CDH26: variants seen among roughly 807,000 people sequenced by gnomAD.
CDH26 encodes cadherin 26.
Under a neutral mutation model 90.3 loss-of-function variants are expected in CDH26, and 83 were observed. The observed-to-expected ratio is 0.92, with a 90% CI of 0.77 to 1.10. CDH26 has a LOEUF of 1.10. CDH26 is among the 50% of genes least tolerant of loss of function. The pLI, the probability that CDH26 is intolerant of heterozygous loss-of-function variation, is 0.00. For synonymous variants in CDH26, 397 were observed against 396.3 expected (o/e 1.00, Z -0.02); for missense variants, 1,013 against 1,037.6 (o/e 0.98, Z 0.33).
At position 59,994,477 on chromosome 20, in the gene CDH26, G is replaced by A; in HGVS notation, c.1654G>A (p.Gly552Arg). The A allele has an allele frequency of 1.2e-6, 2 of 1,613,990 alleles. No homozygotes were observed. Among genetic ancestry groups the A allele is most frequent in the Non-Finnish European group, 1.7e-6 (2 of 1,179,964 alleles). Residue 552 changes from glycine (G) to arginine (R), a missense_variant, in exon 11 of 18, where the codon GGG becomes AGG. Coordinates refer to ENST00000348616, the MANE Select transcript of CDH26 (RefSeq NM_177980.4). ...AAATGCGGAGGACACATGGAAGTTG[G>A]GGAGAAATTGGGGTGAGTTTTTGTA... ...WGNAEDTWKLGRNWGQSVELL... is the reference protein window; with the variant it reads ...WGNAEDTWKLRRNWGQSVELL...
At chr20:59,997,838 G>C (rs958453101) in intron 13 of CDH26, among the ~76,000 whole-genome samples, 1 of 152,246 alleles carries the variant, frequency 6.6e-6, no homozygotes, top group African/African-American at 2.4e-5. Flanking sequence ...TGTAATTAGA[G>C]AGTTTCTCAA....
chr20:59,995,819 T>G lies in CDH26; in HGVS notation c.1667-14T>G. Reference sequence around the variant, plus strand: ...AGTGAGTCAATGCATGCCATGTTCTTTTTCCCTTTGCAGGTCAATCAGTTG... The same window carrying G: ...AGTGAGTCAATGCATGCCATGTTCTGTTTCCCTTTGCAGGTCAATCAGTTG... On this transcript the variant is annotated splice_polypyrimidine_tract_variant and intron_variant, in intron 11 of 17. Coordinates refer to ENST00000348616, the MANE Select transcript of CDH26 (RefSeq NM_177980.4). 1.2e-6 allele frequency: 2 copies of G among 1,612,506 alleles called. No individual in the cohort carries two copies. Among genetic ancestry groups the G allele is most frequent in the Non-Finnish European group, 1.7e-6 (2 of 1,178,484 alleles).
chr20:60,033,500 G>A (rs1300928625), exon 9 of CDH26: 2 of 1,304,106 alleles, frequency 1.5e-6, no homozygotes, highest in South Asian at 1.2e-5. Flanking sequence ...GGAGAACAAG[G>A]CTGGGAGAAA....
At position 59,968,969 on chromosome 20, in the gene CDH26, C is replaced by A; in HGVS notation, c.72C>A (p.Val24=). The change falls in exon 2 of 18, where the codon GTC becomes GTA. Residue 24 remains valine (V), a splice_region_variant and synonymous_variant. Transcript: ENST00000348616. ...LLVLLLWLLQ[V]SIIDSVQQET... ...TTAATATTATTTTTATTTTTAAGGTCAGTATCATTGACAGTGTTCAACAGG... is the reference window on the plus strand; with the variant it reads ...TTAATATTATTTTTATTTTTAAGGTAAGTATCATTGACAGTGTTCAACAGG... 2 of 1,534,788 alleles carry A rather than the reference C, an allele frequency of 1.3e-6. No homozygotes were observed. Among genetic ancestry groups the A allele is most frequent in the South Asian group, 2.3e-5 (2 of 87,048 alleles).
At chr20:60,032,738 T>C (rs1483206437) in intron 8 of CDH26, among the ~76,000 whole-genome samples, 2 of 151,294 alleles carry the variant, frequency 1.3e-5, no homozygotes, top group Admixed American at 1.3e-4. Context: ...CTCAGTAAAC[T>C]ATCGCAAGAA....
chr20:59,977,168 G>A (rs924061583), intron 4 of CDH26, among the ~76,000 whole-genome samples: 10 of 152,256 alleles, frequency 6.6e-5, no homozygotes, highest in African/African-American at 2.4e-4. Context: ...GGGAAGGGCT[G>A]GTGCTGGTGA....
At chr20:59,975,373 C>T (rs1342729137) in intron 4 of CDH26, among the ~76,000 whole-genome samples, 1 of 152,148 alleles carries the variant, frequency 6.6e-6, no homozygotes, top group Non-Finnish European at 1.5e-5. Context: ...CTAGCAACCA[C>T]CCGAAGCCAG....
rs1181263966 is a variant in CDH26, at chr20:60,012,724, T to A, written c.2493T>A (p.Pro831=). The change falls in exon 18 of 18, where the codon CCT becomes CCA. Residue 831 remains proline (P), a synonymous_variant. Transcript: ENST00000348616. The stretch of plus-strand genomic sequence containing the variant: ...AAATATATTCAGAGTCAGGTGTTCC[T>A]TCCTAAAAAAAAAAGTCTATTTTGG... The part of the protein sequence containing the change: ...FEEIYSESGV[P]S 4 of 1,609,482 alleles carry A rather than the reference T, an allele frequency of 2.5e-6. No homozygotes were observed. The highest frequency in any genetic ancestry group is 1.7e-5 in the Admixed American group (1 of 58,810).
chr20:60,012,863 A>G lies in CDH26; in HGVS notation c.*133A>G. On this transcript the variant is annotated 3_prime_UTR_variant, in exon 18 of 18. Transcript: ENST00000348616. ...TCTAGTCCTAGGATGAGGACACACT[A>G]TTAGTTTGAATTAAATGCTTTGATA... The G allele has an allele frequency of 1.4e-6, 1 of 723,894 alleles. No individual in the cohort carries two copies. Among genetic ancestry groups the G allele is most frequent in the Non-Finnish European group, 2.2e-6 (1 of 451,040 alleles). The allele number at this position is 723,894 out of a possible 1,614,324, so 44.8% of individuals were successfully genotyped here.
chr20:60,021,225 A>C (rs1312664269), intron 7 of CDH26, among the ~76,000 whole-genome samples: 3 of 152,218 alleles, frequency 2.0e-5, no homozygotes, highest in African/African-American at 7.2e-5. Flanking sequence ...TGGTAAGGGC[A>C]ATAGGTGGTT....
At chr20:60,024,350 A>G (rs954346818) in intron 7 of CDH26, among the ~76,000 whole-genome samples, 25 of 152,236 alleles carry the variant, frequency 1.6e-4, no homozygotes, top group Non-Finnish European at 3.1e-4. Flanking sequence ...GTGATGCTAC[A>G]GAAGGAGACT....
chr20:59,990,701 T>C (rs992903099), intron 9 of CDH26, among the ~76,000 whole-genome samples: 1 of 152,182 alleles, frequency 6.6e-6, no homozygotes, highest in Non-Finnish European at 1.5e-5. Flanking sequence ...AGTTATCTCA[T>C]TGTGAGCAGC....
At chr20:59,981,850 T>C (rs1026961771) in intron 4 of CDH26, among the ~76,000 whole-genome samples, 4 of 152,106 alleles carry the variant, frequency 2.6e-5, no homozygotes, top group Non-Finnish European at 5.9e-5. Context: ...TTCTTTCATA[T>C]TTTGCTAGAA....
At chr20:60,003,330 T>C (rs1000697630) in intron 16 of CDH26, among the ~76,000 whole-genome samples, 1 of 152,214 alleles carries the variant, frequency 6.6e-6, no homozygotes, top group African/African-American at 2.4e-5. Context: ...ATTAATGACA[T>C]ATACCTATTA....
intron 4 of CDH26, among the ~76,000 whole-genome samples, chr20:59,979,600 A>C (rs1257651885): frequency 3.6e-5 from 3 of 83,424 alleles, no homozygotes; most frequent in Non-Finnish European, 5.0e-5. Context: ...GCTGCTATGC[A>C]CTTTTTTTTT....
At chr20:60,000,370 C>G (rs1419404434) in intron 14 of CDH26, among the ~76,000 whole-genome samples, 2 of 152,224 alleles carry the variant, frequency 1.3e-5, no homozygotes, top group African/African-American at 2.4e-5. Context: ...AAAGTTGACC[C>G]AGGATTGCCA....
Position 60,012,758 on chromosome 20 carries a change from A to C in CDH26, c.*28A>C. 1 of 1,601,194 alleles carries C rather than the reference A, an allele frequency of 6.2e-7. No homozygotes were observed. Among genetic ancestry groups the C allele is most frequent in the Non-Finnish European group, 8.5e-7 (1 of 1,169,994 alleles). ...AAAAAAGTCTATTTTGGAGAATTGA[A>C]ATAATTCATGGAAGGGAATCACTAT... On this transcript the variant is annotated 3_prime_UTR_variant, in exon 18 of 18. Transcript: ENST00000348616.
intron 3 of CDH26, among the ~76,000 whole-genome samples, chr20:59,970,458 G>T (rs984625307): frequency 1.3e-5 from 2 of 151,286 alleles, no homozygotes; most frequent in Admixed American, 6.6e-5. Flanking sequence ...CCAACTGACA[G>T]GTCTGCTTTA....
intron 4 of CDH26, among the ~76,000 whole-genome samples, chr20:59,982,538 C>T (rs1410035025): frequency 6.6e-6 from 1 of 152,200 alleles, no homozygotes; most frequent in Non-Finnish European, 1.5e-5. Context: ...TAACTGTCTG[C>T]TCTCTGTGAT....
Sources: allele counts gnomAD v4.1 joint callset (sites outside exome capture counted in the v4.1 genomes callset), GRCh38; gene constraint gnomAD v4.1.1; transcripts MANE v1.5; gene names NCBI Gene and HGNC (gene_info 2026-07-23, HGNC 2026-07-21).